The following CES5A variants were observed in gnomAD, a reference collection of about 807,000 sequenced individuals.
CES5A encodes the protein carboxylesterase 5A.
In CES5A, 67 loss-of-function variants were observed where a neutral mutation model predicts 62.9. The ratio of observed to expected loss-of-function variants is 1.07; its 90% confidence interval spans 0.88 to 1.31. CES5A has a LOEUF of 1.31. Ranked by LOEUF, CES5A falls within the 50% of genes most tolerant of loss-of-function variation. The probability of loss-of-function intolerance (pLI) is 0.00; values close to 1 mark genes in which losing one functional copy is unlikely to be tolerated. For synonymous variants in CES5A, 296 were observed against 280.8 expected, an observed-to-expected ratio of 1.05 and a Z score of -0.54; for missense variants, 748 against 708.5, an observed-to-expected ratio of 1.06 and a Z score of -0.63.
chr16:55,919,256 C>A (rs1475886745), intron 1 of CES5A, among the ~76,000 whole-genome samples: 1 of 152,248 alleles, frequency 6.6e-6, no homozygotes, highest in Non-Finnish European at 1.5e-5. Context: ...TTACGTGAAA[C>A]TCTTCTGAGC....
At position 55,921,482 on chromosome 16, in the gene CES5A, A is replaced by G. The variant is rs573489535; in HGVS notation, c.-256+3841T>C. ...TATACTTTCAAAGTGCTGAAAGAAA[A>G]AAAACTGTCACTCAAAATTACTACA... On this transcript the variant is annotated intron_variant, in intron 1 of 12. Transcript: ENST00000518005. Among the ~76,000 whole-genome samples, 4 of 152,216 alleles carry G rather than the reference A, an allele frequency of 2.6e-5. No homozygotes were observed. The South Asian group carries it at 8.3e-4, about 32-fold the overall frequency.
chr16:55,946,578 C>T lies in CES5A; in HGVS notation c.160+3207G>A, dbSNP rs1370464173. Among the ~76,000 whole-genome samples, 6 of 152,198 alleles carry T rather than the reference C, an allele frequency of 3.9e-5. 1 individual carries two copies. The South Asian group carries it at 6.2e-4, about 16-fold the overall frequency. ...TAACCTGAAACATACCTGAAATTCT[C>T]ACTGTTAGGCCATGCCCTTGGGCTT... On this transcript the variant is annotated intron_variant, in intron 2 of 13. Coordinates refer to the CES5A transcript ENST00000521992.
chr16:55,871,979 G>A (rs2033599357), intron 2 of CES5A: 5 of 514,700 alleles, frequency 9.7e-6, no homozygotes, highest in South Asian at 8.5e-5. Flanking sequence ...TTCCTGGGTA[G>A]GAAAGCACAT....
intron 1 of CES5A, among the ~76,000 whole-genome samples, chr16:55,920,881 A>G (rs1264629172): frequency 6.6e-6 from 1 of 152,216 alleles, no homozygotes; most frequent in Non-Finnish European, 1.5e-5. Flanking sequence ...AAACAGAAAA[A>G]CAATTCAGAA....
rs142487845 is a variant in CES5A at position 55,846,578 on chromosome 16, G to A, written c.1601C>T (p.Pro534Leu). Residue 534 changes from proline to leucine, a missense_variant, in exon 13 of 13, where the codon CCG becomes CTG. Physicochemically the swap from Pro to Leu is moderately conservative, Grantham distance 98 (BLOSUM62 -3). Coordinates refer to ENST00000290567, the MANE Select transcript of CES5A (RefSeq NM_001143685.2). Reference sequence around the variant, plus strand: ...GGTGCTGGTCCAAAAATCCACCCGCGGTTCTTTGAGTCTCTGTCCGAGGCT... The same window carrying A: ...GGTGCTGGTCCAAAAATCCACCCGCAGTTCTTTGAGTCTCTGTCCGAGGCT... ...NMSLGQRLKE[P>L]RVDFWTSTIP... 109 of 1,614,148 alleles carry A rather than the reference G, an allele frequency of 6.8e-5. No homozygotes were observed. The African/African-American group carries it at 1.1e-3, about 16-fold the overall frequency.
At chr16:55,922,094 T>C (rs1226852924) in intron 1 of CES5A, among the ~76,000 whole-genome samples, 5 of 151,582 alleles carry the variant, frequency 3.3e-5, no homozygotes, top group African/African-American at 1.2e-4. Flanking sequence ...AGAAAATCAC[T>C]TAACCACAAA....
chr16:55,924,609 C>A (rs1400552116), intron 1 of CES5A, among the ~76,000 whole-genome samples: 1 of 151,834 alleles, frequency 6.6e-6, no homozygotes, highest in African/African-American at 2.4e-5. Flanking sequence ...CCCTTAATAG[C>A]CAAAGCAATC....
intron 2 of CES5A, among the ~76,000 whole-genome samples, chr16:55,872,212 A>G (rs2033605934): frequency 6.6e-6 from 1 of 152,030 alleles, no homozygotes. Flanking sequence ...TCTACCTGGA[A>G]CCACCCAGGA....
At position 55,919,567 on chromosome 16, in the gene CES5A, A is replaced by G. The variant is rs1026447539; in HGVS notation, c.-256+5756T>C. 2.6e-5 allele frequency among the ~76,000 whole-genome samples: 4 copies of G among 152,080 alleles called. No individual in the cohort carries two copies. The East Asian group carries it at 7.7e-4, about 29-fold the overall frequency. On this transcript the variant is annotated intron_variant, in intron 1 of 12. Coordinates refer to the CES5A transcript ENST00000518005. ...CCTGGTGACCTCCCTTTGTCTCTTT[A>G]CCTGCTTTCTACCCTTGTTCAAAGG...
At chr16:55,919,353 G>C (rs1321708650) in intron 1 of CES5A, among the ~76,000 whole-genome samples, 2 of 152,216 alleles carry the variant, frequency 1.3e-5, no homozygotes, top group Non-Finnish European at 2.9e-5. Flanking sequence ...AGAGTCACTT[G>C]GGTGCCACTG....
At chr16:55,875,712 G>T (rs1340708741), upstream of CES5A, among the ~76,000 whole-genome samples, 1 of 152,202 alleles carries the variant, frequency 6.6e-6, no homozygotes, top group East Asian at 1.9e-4. Context: ...CAGCCCGGCT[G>T]GCCCTGCCAA....
chr16:55,864,707 C>A (rs1386741131), intron 5 of CES5A, among the ~76,000 whole-genome samples: 2 of 151,418 alleles, frequency 1.3e-5, no homozygotes, highest in African/African-American at 4.9e-5. Context: ...CCATCCTGGG[C>A]AATATAGCTA....
At chr16:55,901,909 T>C (rs2033994257) in intron 1 of CES5A, among the ~76,000 whole-genome samples, 1 of 152,198 alleles carries the variant, frequency 6.6e-6, no homozygotes, top group African/African-American at 2.4e-5. Context: ...GTCTGTCTGT[T>C]AGCACGTGGT....
chr16:55,906,346 C>T (rs775379167), intron 1 of CES5A, among the ~76,000 whole-genome samples: 2 of 152,156 alleles, frequency 1.3e-5, no homozygotes, highest in African/African-American at 2.4e-5. Context: ...GTGGGCCACA[C>T]GGAGCTGCAG....
intron 1 of CES5A, among the ~76,000 whole-genome samples, chr16:55,905,492 G>C (rs544330429): frequency 6.6e-6 from 1 of 151,760 alleles, no homozygotes; most frequent in African/African-American, 2.4e-5. Flanking sequence ...TCAGCCTCCT[G>C]AGTAGCTGGG....
rs116390326 is a variant in CES5A, at chr16:55,862,496, A to G, written c.810+852T>C. Among the ~76,000 whole-genome samples, 1,434 of 152,338 alleles carry G rather than the reference A, an allele frequency of 9.4e-3. 31 individuals carry two copies. The highest frequency in any genetic ancestry group is 0.033 in the African/African-American group (1,380 of 41,570). ...AAAGTTCTAACAGAGCAGGGAAAATAGTGGGCACTCAGTGATGTGTGTCAA... is the reference window on the plus strand; with the variant it reads ...AAAGTTCTAACAGAGCAGGGAAAATGGTGGGCACTCAGTGATGTGTGTCAA... On this transcript the variant is annotated intron_variant, in intron 6 of 12. Transcript: ENST00000290567.
chr16:55,934,606 G>C (rs992358109), intron 2 of CES5A, among the ~76,000 whole-genome samples: 3 of 152,162 alleles, frequency 2.0e-5, no homozygotes, highest in African/African-American at 7.2e-5. Flanking sequence ...CATTCTATTA[G>C]TCAGGATTAT....
intron 8 of CES5A, among the ~76,000 whole-genome samples, chr16:55,856,684 C>T (rs1311053362): frequency 6.6e-6 from 1 of 152,218 alleles, no homozygotes; most frequent in Non-Finnish European, 1.5e-5. Context: ...CCCAAGTGGC[C>T]ACCTTGTGGG....
At chr16:55,947,510 A>T (rs2034509176) in intron 2 of CES5A, among the ~76,000 whole-genome samples, 1 of 152,104 alleles carries the variant, frequency 6.6e-6, no homozygotes, top group Non-Finnish European at 1.5e-5. Flanking sequence ...ACTTCTCATA[A>T]AGCTTCCATT....
Sources: gnomAD v4.1 joint callset for allele counts (sites outside exome capture counted in the v4.1 genomes callset) on GRCh38, gnomAD v4.1.1 for gene constraint, MANE v1.5 for transcripts, NCBI Gene and HGNC (gene_info 2026-07-23, HGNC 2026-07-21) for gene names.